HDLBP: variants seen among roughly 807,000 people sequenced by gnomAD.
The protein encoded by HDLBP is high density lipoprotein binding protein, also known as vigilin.
A neutral mutation model predicts 137.3 loss-of-function variants in HDLBP; 30 were observed. The observed-to-expected ratio is 0.22, with a 90% CI of 0.16 to 0.30. The LOEUF (loss-of-function observed/expected upper bound fraction) is 0.30, where lower values mean the gene tolerates loss of function less well. Among genes scored for constraint, HDLBP ranks in the 10% least tolerant of loss-of-function variants. The pLI is 1.00. For missense variants in HDLBP, 1,119 were observed against 1,667.3 expected, an observed-to-expected ratio of 0.67 and a Z score of 5.73; for synonymous variants, 606 against 596.0, an observed-to-expected ratio of 1.02 and a Z score of -0.24.
At chr2:241,312,623 T>C (rs2149730920) in intron 1 of HDLBP, among the ~76,000 whole-genome samples, 1 of 152,344 alleles carries the variant, frequency 6.6e-6, no homozygotes, top group African/African-American at 2.4e-5. Flanking sequence ...AGCCGCATGA[T>C]ATGCTTCTTT....
At chr2:241,302,940 G>A (rs941600880) in intron 1 of HDLBP, among the ~76,000 whole-genome samples, 4 of 152,208 alleles carry the variant, frequency 2.6e-5, no homozygotes, top group African/African-American at 9.7e-5. Context: ...CCCGAGGTAA[G>A]AGAGTCTTTG....
chr2:241,235,020 C>A, intron 23 of HDLBP, 101 bp downstream of exon 23: 1 of 1,415,422 alleles, frequency 7.1e-7, no homozygotes, highest in Non-Finnish European at 9.6e-7. Context: ...AGCCAGATGT[C>A]GCTGGGATGC....
At chr2:241,297,102 G>C (rs2075207127) in intron 1 of HDLBP, among the ~76,000 whole-genome samples, 1 of 121,034 alleles carries the variant, frequency 8.3e-6, no homozygotes, top group Admixed American at 9.8e-5. Flanking sequence ...AGAGCGTGTA[G>C]GACTTGGACT....
rs1060202 is a variant in HDLBP, at chr2:241,229,073, T to C, written c.*528A>G. ...CCAGGAACCTGCCTCCTGCTGTCCA[T>C]TGCCAGGTCTTCCTTGCACCCTGAC... On this transcript the variant is annotated 3_prime_UTR_variant, in exon 28 of 28. Coordinates refer to ENST00000310931, the MANE Select transcript of HDLBP (RefSeq NM_005336.6). 0.067 allele frequency: 10,406 copies of C among 156,168 alleles called. 409 individuals carry two copies. Among genetic ancestry groups the C allele is most frequent in the Middle Eastern group, 0.15 (44 of 296 alleles). The allele number at this position is 156,168 out of a possible 1,614,324, so 9.7% of individuals were successfully genotyped here. A position where few individuals can be genotyped will look rare whatever the true frequency, so the allele number is the denominator to read the frequency against.
intron 1 of HDLBP, among the ~76,000 whole-genome samples, chr2:241,277,569 A>G (rs942033158): frequency 2.0e-5 from 3 of 152,256 alleles, no homozygotes; most frequent in Non-Finnish European, 2.9e-5. Context: ...TCGAAAACAG[A>G]TGAAATGGGC....
chr2:241,252,892 A>G (rs1367464735), intron 11 of HDLBP, 65 bp downstream of exon 11: 1 of 1,104,206 alleles, frequency 9.1e-7, no homozygotes, highest in Non-Finnish European at 1.4e-6. Context: ...CAGTTCTCAC[A>G]GCTGACACCC....
Position 241,272,613 on chromosome 2 carries a change from CTGGGG to C in HDLBP, c.-102-4077_-102-4073del. ...GACACCCGCGGGCGGGGGCCGCAGC[CTGGGG>C]CCCGGGTGGGGGCCGCGGCACCCGG... On this transcript the variant is annotated intron_variant, in intron 1 of 27. Transcript: ENST00000310931. The surrounding 1 kb of genome is among the most constrained non-coding windows in gnomAD (Gnocchi z 5.6). 1.0e-6 allele frequency: 1 copy of C among 982,014 alleles called. No individual in the cohort carries two copies. The highest frequency in any genetic ancestry group is 1.2e-6 in the Non-Finnish European group (1 of 827,902). The allele number at this position is 982,014 out of a possible 1,614,324, so 60.8% of individuals were successfully genotyped here. A position where few individuals can be genotyped will look rare whatever the true frequency, so the allele number is the denominator to read the frequency against.
chr2:241,293,618 A>T (rs1311868296), intron 1 of HDLBP, among the ~76,000 whole-genome samples: 1 of 150,270 alleles, frequency 6.7e-6, no homozygotes, highest in Non-Finnish European at 1.5e-5. Context: ...CCTCAAAAAA[A>T]ATTAAAACAA....
In HDLBP at chr2:241,233,238, G is replaced by C. The variant is rs537972584; in HGVS notation, c.3288+582C>G. Among the ~76,000 whole-genome samples the C allele has an allele frequency of 1.3e-5, 2 of 152,322 alleles. No homozygotes were observed. Among genetic ancestry groups the C allele is most frequent in the African/African-American group, 4.8e-5 (2 of 41,578 alleles). On this transcript the variant is annotated intron_variant, in intron 24 of 27. Coordinates refer to ENST00000310931, the MANE Select transcript of HDLBP (RefSeq NM_005336.6). The surrounding 1 kb of genome is among the most constrained non-coding windows in gnomAD (Gnocchi z 4.3). ...GAAGTGTGTGCAAGAGGGGGTGTTG[G>C]GTGAGGCTGCCCTGCATGCCAGGTG...
chr2:241,303,488 T>C (rs577070702), intron 1 of HDLBP, among the ~76,000 whole-genome samples: 1 of 152,314 alleles, frequency 6.6e-6, no homozygotes, highest in Admixed American at 6.5e-5. Flanking sequence ...CACAGCTGTA[T>C]ACAAGAACAC....
Position 241,230,341 on chromosome 2 carries a change from C to A in HDLBP, c.3475-72G>T. On this transcript the variant is annotated intron_variant, in intron 25 of 27. Coordinates refer to ENST00000310931, the MANE Select transcript of HDLBP (RefSeq NM_005336.6). The surrounding 1 kb of genome is among the most constrained non-coding windows in gnomAD (Gnocchi z 5.0). ...AAGGGTTAAAATTATGTGTCAATTT[C>A]TAGTGAAGCATTTTCTGAGTTAGCA... 1 of 941,528 alleles carries A rather than the reference C, an allele frequency of 1.1e-6. No individual in the cohort carries two copies. Among genetic ancestry groups the A allele is most frequent in the South Asian group, 1.6e-5 (1 of 62,940 alleles). The allele number at this position is 941,528 out of a possible 1,614,324, so 58.3% of individuals were successfully genotyped here. A position where few individuals can be genotyped will look rare whatever the true frequency, so the allele number is the denominator to read the frequency against.
chr2:241,314,158 A>G (rs1050382170), intron 1 of HDLBP, among the ~76,000 whole-genome samples: 2 of 152,098 alleles, frequency 1.3e-5, no homozygotes, highest in Admixed American at 1.3e-4. Flanking sequence ...TTACCCAAAC[A>G]CCTTTTCAAC....
chr2:241,259,226 C>T (rs986900631), intron 5 of HDLBP, among the ~76,000 whole-genome samples: 13 of 152,136 alleles, frequency 8.5e-5, no homozygotes, highest in African/African-American at 3.1e-4. Context: ...GGGTGTATGG[C>T]AAGCTGTATT....
chr2:241,281,327 C>T (rs2074593202), intron 1 of HDLBP, among the ~76,000 whole-genome samples: 1 of 151,142 alleles, frequency 6.6e-6, no homozygotes, highest in Admixed American at 6.6e-5. Context: ...GCACTCCAGC[C>T]TGTGCAACAG....
chr2:241,276,471 A>G (rs1016687754), intron 1 of HDLBP, among the ~76,000 whole-genome samples: 3 of 152,156 alleles, frequency 2.0e-5, no homozygotes, highest in African/African-American at 7.2e-5. Context: ...AAGCAAGGTA[A>G]ATAAAACACA....
chr2:241,260,487 C>T (rs779655512), intron 5 of HDLBP, among the ~76,000 whole-genome samples: 9 of 150,366 alleles, frequency 6.0e-5, no homozygotes, highest in Non-Finnish European at 1.2e-4. Flanking sequence ...GCCAAAGAAT[C>T]GATTATTTAT....
intron 27 of HDLBP, 46 bp downstream of exon 27, chr2:241,229,787 C>G: frequency 8.8e-7 from 1 of 1,137,618 alleles, no homozygotes; most frequent in Non-Finnish European, 1.3e-6. Context: ...CCCGCCTGCC[C>G]GCCCACCCTC....
chr2:241,295,221 A>G (rs2075134090), intron 1 of HDLBP, among the ~76,000 whole-genome samples: 1 of 152,230 alleles, frequency 6.6e-6, no homozygotes, highest in Admixed American at 6.5e-5. Flanking sequence ...AACATCAGCA[A>G]ATGGCTATAT....
At chr2:241,267,864 C>T (rs931187867) in intron 2 of HDLBP, 6 of 985,320 alleles carry the variant, frequency 6.1e-6, no homozygotes, top group Middle Eastern at 5.2e-4. Flanking sequence ...GGCCCAAGGG[C>T]GCTGAGTTTC....
Sources: gnomAD v4.1 joint callset for allele counts (sites outside exome capture counted in the v4.1 genomes callset) on GRCh38, gnomAD v4.1.1 for gene constraint, Gnocchi (gnomAD v3.1) non-coding constraint, MANE v1.5 for transcripts, NCBI Gene and HGNC (gene_info 2026-07-23, HGNC 2026-07-21) for gene names.